PCSK6: variants seen among roughly 807,000 people sequenced by gnomAD.
PCSK6 encodes paired basic amino acid cleaving enzyme 4.
A neutral mutation model predicts 123.3 loss-of-function variants in PCSK6; 85 were observed. That is an observed-to-expected ratio of 0.69 (90% CI 0.58 to 0.83). PCSK6 has a LOEUF of 0.83. PCSK6 is among the 40% of genes least tolerant of loss of function. The pLI is 0.00. For missense variants in PCSK6, 1,191 were observed against 1,282.3 expected (o/e 0.93, Z 1.09); for synonymous variants, 508 against 516.0 (o/e 0.98, Z 0.21).
chr15:101,399,637 C>T (rs2042526961), intron 6 of PCSK6, among the ~76,000 whole-genome samples: 1 of 152,176 alleles, frequency 6.6e-6, no homozygotes, highest in African/African-American at 2.4e-5. Context: ...AGTGCCTCCC[C>T]CAGAGAAGGC....
chr15:101,317,394 T>C (rs1446747749), intron 19 of PCSK6, among the ~76,000 whole-genome samples: 1 of 152,084 alleles, frequency 6.6e-6, no homozygotes, highest in African/African-American at 2.4e-5. Context: ...CAAAACAAAA[T>C]CCAATAAAAT....
At chr15:101,433,528 A>G (rs779814235) in intron 2 of PCSK6, among the ~76,000 whole-genome samples, 1 of 152,198 alleles carries the variant, frequency 6.6e-6, no homozygotes, top group Non-Finnish European at 1.5e-5. Context: ...TCTGCACTAC[A>G]TTCAGGGGAT....
intron 1 of PCSK6, among the ~76,000 whole-genome samples, chr15:101,474,316 G>A (rs565343078): frequency 1.3e-5 from 2 of 152,276 alleles, no homozygotes; most frequent in Admixed American, 1.3e-4. Context: ...GGACAAGGAG[G>A]CACAGATCCA....
At chr15:101,485,315 G>C (rs1013281113) in intron 1 of PCSK6, among the ~76,000 whole-genome samples, 2 of 151,980 alleles carry the variant, frequency 1.3e-5, no homozygotes, top group Non-Finnish European at 2.9e-5. Flanking sequence ...GTGATTTATA[G>C]TTTTCAAAAT....
rs914162868 is a variant in PCSK6 at position 101,355,313 on chromosome 15, G to A, written c.1858+10883C>T. Among the ~76,000 whole-genome samples, 3 of 152,300 alleles carry A rather than the reference G, an allele frequency of 2.0e-5. No homozygotes were observed. In the South Asian group the frequency reaches 6.2e-4, roughly 32 times the overall value. Reference sequence around the variant, plus strand: ...TTTGGAACCATGAAATAAGATACATGGTGTCAATTATAGAGAGAAGATTGG... The same window carrying A: ...TTTGGAACCATGAAATAAGATACATAGTGTCAATTATAGAGAGAAGATTGG... On this transcript the variant is annotated intron_variant, in intron 13 of 21. Transcript: ENST00000611716.
At chr15:101,437,079 T>C (rs2056622117) in intron 2 of PCSK6, among the ~76,000 whole-genome samples, 1 of 152,160 alleles carries the variant, frequency 6.6e-6, no homozygotes, top group Non-Finnish European at 1.5e-5. Flanking sequence ...TTTTTTCCTC[T>C]GGAGAGCGAG....
chr15:101,409,361 G>A (rs200693063), intron 6 of PCSK6, among the ~76,000 whole-genome samples: 13 of 151,316 alleles, frequency 8.6e-5, no homozygotes, highest in East Asian at 1.9e-4. Context: ...CGAGGCGGGC[G>A]GATCACGAGG....
At chr15:101,365,014 A>G in intron 13 of PCSK6, 1 of 777,704 alleles carries the variant, frequency 1.3e-6, no homozygotes, top group Non-Finnish European at 2.4e-6. Flanking sequence ...TTCTGTGGTC[A>G]GTTGATTTGC....
intron 13 of PCSK6, among the ~76,000 whole-genome samples, chr15:101,352,099 C>T (rs1201444684): frequency 1.4e-5 from 2 of 147,398 alleles, no homozygotes; most frequent in Admixed American, 6.7e-5. Flanking sequence ...CTGTGAATCA[C>T]TTGAGTTTGT....
At chr15:101,461,889 C>T (rs2057348048) in intron 1 of PCSK6, among the ~76,000 whole-genome samples, 1 of 152,172 alleles carries the variant, frequency 6.6e-6, no homozygotes, top group Non-Finnish European at 1.5e-5. Flanking sequence ...CCTGAAAGCA[C>T]TCCCTTTAAA....
At chr15:101,355,377 G>A (rs760669727) in intron 13 of PCSK6, among the ~76,000 whole-genome samples, 1 of 152,238 alleles carries the variant, frequency 6.6e-6, no homozygotes, top group Non-Finnish European at 1.5e-5. Flanking sequence ...AGACATTGAT[G>A]TCTCACAATT....
At chr15:101,422,187 G>A (rs1007665307) in intron 6 of PCSK6, among the ~76,000 whole-genome samples, 1 of 152,210 alleles carries the variant, frequency 6.6e-6, no homozygotes, top group African/African-American at 2.4e-5. Flanking sequence ...GAGGAGTCAG[G>A]GGATAGAGTT....
chr15:101,415,033 CA>C (rs1567204193), intron 6 of PCSK6, among the ~76,000 whole-genome samples: 1 of 152,184 alleles, frequency 6.6e-6, no homozygotes, highest in South Asian at 2.1e-4. Flanking sequence ...AATTAAAGGG[CA>C]AAAATGAGAT....
chr15:101,312,922 T>C, intron 20 of PCSK6: 1 of 531,422 alleles, frequency 1.9e-6, no homozygotes, highest in Non-Finnish European at 2.5e-6. Flanking sequence ...TGAGAGTTGC[T>C]TGAATCCCAG....
chr15:101,336,680 A>G (rs2040485458), intron 13 of PCSK6: 1 of 152,272 alleles, frequency 6.6e-6, no homozygotes, highest in South Asian at 2.1e-4. Context: ...GATGCATAGA[A>G]GCAGATCTTA....
chr15:101,473,637 G>A (rs1356614577), intron 1 of PCSK6, among the ~76,000 whole-genome samples: 1 of 152,232 alleles, frequency 6.6e-6, no homozygotes, highest in African/African-American at 2.4e-5. Context: ...ATGAATGGTT[G>A]TAGGCCGAGG....
chr15:101,310,727 TG>T lies in PCSK6; in HGVS notation c.2699+2648del, dbSNP rs544346541. ...AGTGCAAGGGCTTGGTGGTCCCTCA[TG>T]GGCTCACTGTAGGGCTTTGTTTCTA... On this transcript the variant is annotated intron_variant, in intron 20 of 21. Transcript: ENST00000611716. 4.2e-3 allele frequency among the ~76,000 whole-genome samples: 640 copies of T among 152,118 alleles called. 4 individuals carry two copies. Among genetic ancestry groups the T allele is most frequent in the African/African-American group, 0.014 (596 of 41,442 alleles).
At chr15:101,346,678 A>G (rs903493303) in intron 13 of PCSK6, 62 of 1,040,424 alleles carry the variant, frequency 6.0e-5, no homozygotes, top group Non-Finnish European at 7.5e-5. Context: ...ACTGAGGGCA[A>G]ATCTGGGAAA....
intron 1 of PCSK6, among the ~76,000 whole-genome samples, chr15:101,469,233 T>C (rs2057542345): frequency 6.6e-6 from 1 of 152,160 alleles, no homozygotes; most frequent in Non-Finnish European, 1.5e-5. Flanking sequence ...TTCTGTACAA[T>C]CCATCCCAAG....
Sources: allele counts gnomAD v4.1 joint callset (sites outside exome capture counted in the v4.1 genomes callset), GRCh38; gene constraint gnomAD v4.1.1; transcripts MANE v1.5; gene names NCBI Gene and HGNC (gene_info 2026-07-23, HGNC 2026-07-21).